The following PPP1R37 variants were observed in gnomAD, a reference collection of about 807,000 sequenced individuals.
PPP1R37 encodes leucine rich repeat containing 68.
PPP1R37 carries 21 observed loss-of-function variants against 61.0 expected under a neutral mutation model. The observed-to-expected ratio is 0.34, with a 90% confidence interval of 0.24 to 0.50. The LOEUF (loss-of-function observed/expected upper bound fraction) is 0.50. Among genes scored for constraint, PPP1R37 ranks in the 20% least tolerant of loss-of-function variants. The pLI, the probability that PPP1R37 is intolerant of heterozygous loss-of-function variation, is 0.98. For missense variants in PPP1R37, 910 were observed against 952.7 expected, an observed-to-expected ratio of 0.96 and a Z score of 0.59; for synonymous variants, 443 against 433.5, an observed-to-expected ratio of 1.02 and a Z score of -0.27.
intron 1 of PPP1R37, among the ~76,000 whole-genome samples, chr19:45,095,398 A>G (rs1036187771): frequency 6.6e-6 from 1 of 152,020 alleles, no homozygotes; most frequent in Non-Finnish European, 1.5e-5. Context: ...AAGCCTTCCA[A>G]AGTGCTGGGA....
Position 45,145,149 on chromosome 19 carries a change from C to T in PPP1R37, c.1185C>T (p.Asp395=), listed in dbSNP as rs1327336479. The T allele has an allele frequency of 2.0e-6, 3 of 1,534,986 alleles. No homozygotes were observed. In the Admixed American group the frequency reaches 5.9e-5, roughly 30 times the overall value. ...AGAGCCCCCGCCTCCTGAGACTGGACCTTCGGGAGAACGAGATCAAGACAG... is the reference window on the plus strand; with the variant it reads ...AGAGCCCCCGCCTCCTGAGACTGGATCTTCGGGAGAACGAGATCAAGACAG... ...IAESPRLLRL[D]LRENEIKTGG... is the part of the protein sequence containing the mutation. Residue 395 remains aspartate (D), a synonymous_variant, in exon 10 of 13, where the codon GAC becomes GAT. Transcript: ENST00000221462.
At chr19:45,135,125 G>A (rs894715415) in intron 1 of PPP1R37, among the ~76,000 whole-genome samples, 1 of 152,174 alleles carries the variant, frequency 6.6e-6, no homozygotes, top group African/African-American at 2.4e-5. Context: ...GCGTGTGCCT[G>A]TAATTCCAGC....
intron 5 of PPP1R37, 90 bp from the exon 6 acceptor site, chr19:45,141,971 G>A (rs1351072417): frequency 2.9e-6 from 3 of 1,032,652 alleles, no homozygotes; most frequent in African/African-American, 1.5e-5. Context: ...ACAGGTCCTG[G>A]GGCCAGGGAG....
chr19:45,114,506 G>T (rs985647343), intron 1 of PPP1R37, among the ~76,000 whole-genome samples: 1 of 152,194 alleles, frequency 6.6e-6, no homozygotes, highest in African/African-American at 2.4e-5. Context: ...CCTGTCAAAT[G>T]GGCGATAGAG....
intron 1 of PPP1R37, among the ~76,000 whole-genome samples, chr19:45,099,125 A>G (rs1968030624): frequency 6.6e-6 from 1 of 152,050 alleles, no homozygotes. Flanking sequence ...CCCCACCTAT[A>G]GCCCTAACAT....
rs149448322 is a variant in PPP1R37 at position 45,143,855 on chromosome 19, G to A, written c.987+222G>A. 8.2e-4 allele frequency: 329 copies of A among 401,676 alleles called. 1 individual carries two copies. The East Asian group carries it at 0.011, about 13-fold the overall frequency. The allele number at this position is 401,676 out of a possible 1,614,324, so 24.9% of individuals were successfully genotyped here. ...TTATCTCCTTTTTTTTTTTGAGACC[G>A]AGTCTCATCCTGTCACCCAGGCTGG... On this transcript the variant is annotated intron_variant, in intron 8 of 12. Coordinates refer to ENST00000221462, the MANE Select transcript of PPP1R37 (RefSeq NM_019121.2).
At chr19:45,124,631 C>T (rs1488612694) in intron 1 of PPP1R37, among the ~76,000 whole-genome samples, 1 of 152,034 alleles carries the variant, frequency 6.6e-6, no homozygotes, top group Non-Finnish European at 1.5e-5. Context: ...CAGAGCCATC[C>T]CTGTCTCCCC....
At chr19:45,131,782 C>T (rs988513394) in intron 1 of PPP1R37, among the ~76,000 whole-genome samples, 2 of 152,110 alleles carry the variant, frequency 1.3e-5, no homozygotes, top group Non-Finnish European at 2.9e-5. Flanking sequence ...TTTCTGATAC[C>T]GGGAAGTGGC....
intron 1 of PPP1R37, among the ~76,000 whole-genome samples, chr19:45,124,821 ACTG>A (rs1968382732): frequency 6.7e-6 from 1 of 148,600 alleles, no homozygotes; most frequent in African/African-American, 2.6e-5. Flanking sequence ...AAAAAAAAAA[ACTG>A]GCCAAGCATG....
intron 9 of PPP1R37, 47 bp downstream of exon 9, chr19:45,145,042 G>A (rs1026194368): frequency 2.0e-5 from 31 of 1,521,056 alleles, no homozygotes; most frequent in Non-Finnish European, 2.7e-5. Flanking sequence ...GGCTCAGCCG[G>A]GCGGCCAGCC....
At position 45,093,194 on chromosome 19, in the gene PPP1R37, T is replaced by C. The variant is rs1967942875; in HGVS notation, c.-132T>C. The C allele has an allele frequency of 4.1e-6, 3 of 736,418 alleles. No individual in the cohort carries two copies. The highest frequency in any genetic ancestry group is 8.7e-5 in the Admixed American group (2 of 23,022). 45.6% of individuals were successfully genotyped at this position (736,418 alleles called of 1,614,324 possible). ...TCCCGGCGGCGACGACTACGACCAC[T>C]AGGAGAGCGGACGGAGGCGGCGCCT... On this transcript the variant is annotated 5_prime_UTR_variant, in exon 1 of 13. Coordinates refer to ENST00000221462, the MANE Select transcript of PPP1R37 (RefSeq NM_019121.2).
chr19:45,094,106 G>A (rs1486381213), intron 1 of PPP1R37, among the ~76,000 whole-genome samples: 1 of 152,180 alleles, frequency 6.6e-6, no homozygotes, highest in African/African-American at 2.4e-5. Context: ...AGAGGTGGTG[G>A]TCAATTTGTG....
intron 1 of PPP1R37, among the ~76,000 whole-genome samples, chr19:45,133,461 A>G (rs1968502647): frequency 6.6e-6 from 1 of 152,208 alleles, no homozygotes; most frequent in African/African-American, 2.4e-5. Context: ...AGCCCACCTA[A>G]GGTCACTGAG....
intron 1 of PPP1R37, among the ~76,000 whole-genome samples, chr19:45,119,824 C>A (rs755002117): frequency 5.9e-5 from 9 of 152,048 alleles, no homozygotes. Flanking sequence ...GCTCCACCCC[C>A]CAGCACCCCG....
At chr19:45,141,910 G>T in intron 5 of PPP1R37, 151 bp from the exon 6 acceptor site, 1 of 891,534 alleles carries the variant, frequency 1.1e-6, no homozygotes, top group Non-Finnish European at 1.6e-6. Flanking sequence ...AAAACAAGGC[G>T]ACATAGCCAG....
Position 45,093,480 on chromosome 19 carries a change from A to C in PPP1R37, c.155A>C (p.Glu52Ala). 6.5e-7 allele frequency: 1 copy of C among 1,535,406 alleles called. No individual in the cohort carries two copies. The highest frequency in any genetic ancestry group is 8.7e-7 in the Non-Finnish European group (1 of 1,146,706). Residue 52 changes from glutamate to alanine, a missense_variant, in exon 1 of 13, where the codon GAG becomes GCG. Glu to Ala is a moderately radical substitution (Grantham distance 107, BLOSUM62 -1). Coordinates refer to ENST00000221462, the MANE Select transcript of PPP1R37 (RefSeq NM_019121.2). Reference sequence around the variant, plus strand: ...AAGCGCGTCACATTCCCGTCCGACGAGGATATCGTGTCTGGAGCAGTGGAG... The same window carrying C: ...AAGCGCGTCACATTCCCGTCCGACGCGGATATCGTGTCTGGAGCAGTGGAG... The part of the protein sequence containing the change: ...AAKRVTFPSD[E>A]DIVSGAVEPK...
At chr19:45,142,953 A>C (rs941772107) in intron 7 of PPP1R37, 1 of 168,490 alleles carries the variant, frequency 5.9e-6, no homozygotes, top group Non-Finnish European at 1.3e-5. Context: ...CTGGTGTTTG[A>C]TGCTGGGGGT....
chr19:45,147,062 T>C lies in PPP1R37; in HGVS notation c.*500T>C. On this transcript the variant is annotated 3_prime_UTR_variant, in exon 13 of 13. Transcript: ENST00000221462. ...ATGGGAGCAGAGGATCAGAGCTTTC[T>C]TTTTCTCAAGTGCAATAAATCTATC... 1 of 153,992 alleles carries C rather than the reference T, an allele frequency of 6.5e-6. No homozygotes were observed. The highest frequency in any genetic ancestry group is 1.4e-5 in the Non-Finnish European group (1 of 69,304). 9.5% of individuals were successfully genotyped at this position (153,992 alleles called of 1,614,324 possible).
At chr19:45,139,484 G>A (rs1968581879) in intron 2 of PPP1R37, among the ~76,000 whole-genome samples, 1 of 152,154 alleles carries the variant, frequency 6.6e-6, no homozygotes, top group Non-Finnish European at 1.5e-5. Context: ...CTCTCCTGTG[G>A]GCCCCGGCCT....
Sources: gnomAD v4.1 joint callset for allele counts (sites outside exome capture counted in the v4.1 genomes callset) on GRCh38, gnomAD v4.1.1 for gene constraint, MANE v1.5 for transcripts, NCBI Gene and HGNC (gene_info 2026-07-23, HGNC 2026-07-21) for gene names.